Variants in THSD7B observed in about 807,000 individuals in gnomAD.
THSD7B encodes thrombospondin type 1 domain containing 7B.
Under a neutral mutation model 213.6 loss-of-function variants are expected in THSD7B, and 138 were observed. That is an observed-to-expected ratio of 0.65 (90% confidence interval 0.56 to 0.74). The LOEUF is 0.74. Ranked by LOEUF, THSD7B falls within the 30% of genes least tolerant of loss-of-function variation. THSD7B has a pLI of 0.00. For synonymous variants in THSD7B, 742 were observed against 687.0 expected (o/e 1.08, Z -1.25); for missense variants, 1,931 against 1,991.5 (o/e 0.97, Z 0.58).
intron 2 of THSD7B, chr2:136,990,937 G>A (rs1685769173): frequency 7.4e-7 from 1 of 1,343,608 alleles, no homozygotes; most frequent in African/African-American, 1.5e-5. Context: ...CAAATTAGCA[G>A]GTAAATCAGA....
intron 2 of THSD7B, among the ~76,000 whole-genome samples, chr2:136,888,307 A>G (rs1053466128): frequency 6.6e-6 from 1 of 152,080 alleles, no homozygotes; most frequent in Non-Finnish European, 1.5e-5. Context: ...TATTTTTGGA[A>G]AAAAGAGACT....
intron 1 of THSD7B, among the ~76,000 whole-genome samples, chr2:136,869,606 T>A (rs1044275475): frequency 6.6e-6 from 1 of 152,180 alleles, no homozygotes; most frequent in Non-Finnish European, 1.5e-5. Context: ...AGTAAAAAAA[T>A]CATACCTTAT....
intron 12 of THSD7B, among the ~76,000 whole-genome samples, chr2:137,333,915 T>C (rs945020007): frequency 6.6e-6 from 1 of 152,192 alleles, no homozygotes; most frequent in African/African-American, 2.4e-5. Context: ...TTGATATGAC[T>C]TATTGTCTAA....
intron 2 of THSD7B, among the ~76,000 whole-genome samples, chr2:136,904,931 T>A (rs757922594): frequency 6.6e-6 from 1 of 152,260 alleles, no homozygotes; most frequent in Non-Finnish European, 1.5e-5. Context: ...CACAGACTCA[T>A]ACAATGTTGG....
chr2:137,459,832 G>T (rs139766684), intron 15 of THSD7B, among the ~76,000 whole-genome samples: 12 of 152,186 alleles, frequency 7.9e-5, no homozygotes, highest in African/African-American at 2.9e-4. Flanking sequence ...CCAGGCACCT[G>T]CTCTGGAATC....
At chr2:136,909,674 T>G (rs1558848288) in intron 2 of THSD7B, among the ~76,000 whole-genome samples, 1 of 152,202 alleles carries the variant, frequency 6.6e-6, no homozygotes, top group East Asian at 1.9e-4. Flanking sequence ...AAAACCATAT[T>G]GGAAATAAGG....
In THSD7B at chr2:136,814,678, G is replaced by A. The variant is rs141575009; in HGVS notation, c.-36+48991G>A. ...CTCCCAAAGTGCTGGGATTACAGAC[G>A]TGGTTTTATTGCCTTAGTATATAAT... On this transcript the variant is annotated intron_variant, in intron 1 of 27. Transcript: ENST00000409968. 2.3e-3 allele frequency among the ~76,000 whole-genome samples: 347 copies of A among 152,260 alleles called. 2 individuals are homozygous for A. The highest frequency in any genetic ancestry group is 7.8e-3 in the African/African-American group (324 of 41,552).
chr2:136,841,004 A>G (rs1000791955), intron 1 of THSD7B, among the ~76,000 whole-genome samples: 9 of 152,164 alleles, frequency 5.9e-5, no homozygotes, highest in African/African-American at 1.9e-4. Context: ...CTATACTATC[A>G]TCAGTGAGGC....
At chr2:137,483,445 C>T (rs1435674285) in intron 15 of THSD7B, among the ~76,000 whole-genome samples, 2 of 152,150 alleles carry the variant, frequency 1.3e-5, no homozygotes, top group African/African-American at 4.8e-5. Context: ...CTACTAATTC[C>T]ACATGCAATG....
At chr2:137,268,386 G>A (rs1039772960) in intron 10 of THSD7B, among the ~76,000 whole-genome samples, 1 of 146,666 alleles carries the variant, frequency 6.8e-6, no homozygotes, top group African/African-American at 2.5e-5. Context: ...TCCCACCTAT[G>A]AGTGAGAACA....
chr2:137,094,869 T>C lies in THSD7B; in HGVS notation c.951-4T>C, dbSNP rs1688011300. ...CTCCTATTTTCTACTTCTGTTTTTT[T>C]CAGCCTTTGCCTTCAAGATTCCTTC... On this transcript the variant is annotated splice_polypyrimidine_tract_variant and splice_region_variant and intron_variant, in intron 3 of 27. Transcript: ENST00000409968. 6.2e-7 allele frequency: 1 copy of C among 1,608,484 alleles called. No individual in the cohort carries two copies. Among genetic ancestry groups the C allele is most frequent in the African/African-American group, 1.3e-5 (1 of 74,752 alleles).
intron 1 of THSD7B, among the ~76,000 whole-genome samples, chr2:136,813,493 C>T (rs914054307): frequency 4.1e-5 from 6 of 147,666 alleles, no homozygotes; most frequent in African/African-American, 1.6e-4. Flanking sequence ...AATGGCTCGC[C>T]TGTATTTACA....
At chr2:137,271,415 ATATATAATTATAT>A (rs1212093401) in intron 10 of THSD7B, among the ~76,000 whole-genome samples, 3 of 140,052 alleles carry the variant, frequency 2.1e-5, no homozygotes, top group Non-Finnish European at 3.0e-5. Flanking sequence ...ATGAATTATA[ATATATAATTATAT>A]AATATATATA....
At chr2:136,832,883 T>C (rs1682778810) in intron 1 of THSD7B, among the ~76,000 whole-genome samples, 1 of 152,180 alleles carries the variant, frequency 6.6e-6, no homozygotes, top group Non-Finnish European at 1.5e-5. Context: ...GCCTGGCCAG[T>C]ATTCATCCTC....
intron 13 of THSD7B, among the ~76,000 whole-genome samples, chr2:137,408,682 A>G (rs1298706439): frequency 6.6e-6 from 1 of 152,220 alleles, no homozygotes; most frequent in Non-Finnish European, 1.5e-5. Flanking sequence ...GATGTTGGTA[A>G]GGCTGCATTT....
At chr2:136,932,314 A>T (rs887616919) in intron 2 of THSD7B, among the ~76,000 whole-genome samples, 4 of 152,220 alleles carry the variant, frequency 2.6e-5, no homozygotes, top group Admixed American at 2.6e-4. Context: ...AGATGTGCAA[A>T]TTAATCTGCA....
chr2:136,896,422 A>T (rs2105007100), intron 2 of THSD7B, among the ~76,000 whole-genome samples: 1 of 152,218 alleles, frequency 6.6e-6, no homozygotes, highest in East Asian at 1.9e-4. Context: ...GAGTTTCAAG[A>T]GTCCTTTGTA....
intron 15 of THSD7B, among the ~76,000 whole-genome samples, chr2:137,486,091 C>T (rs1258315432): frequency 3.3e-5 from 5 of 152,276 alleles, no homozygotes; most frequent in East Asian, 3.9e-4. Context: ...CATCAACTAA[C>T]AAGCAAAATA....
chr2:137,072,782 A>T (rs1254552724), intron 3 of THSD7B, among the ~76,000 whole-genome samples: 7 of 152,184 alleles, frequency 4.6e-5, no homozygotes, highest in Non-Finnish European at 8.8e-5. Context: ...TGCCCCATCA[A>T]TACCTAATTT....
Sources: allele counts gnomAD v4.1 joint callset (sites outside exome capture counted in the v4.1 genomes callset), GRCh38; gene constraint gnomAD v4.1.1; transcripts MANE v1.5; gene names NCBI Gene and HGNC (gene_info 2026-07-23, HGNC 2026-07-21).